PPM1H: variants seen among roughly 807,000 people sequenced by gnomAD.
The protein encoded by PPM1H is protein phosphatase, Mg2+/Mn2+ dependent 1H.
Under a neutral mutation model 54.9 loss-of-function variants are expected in PPM1H, and 27 were observed. That is an observed-to-expected ratio of 0.49 (90% confidence interval 0.36 to 0.68). PPM1H has a LOEUF of 0.68. Ranked by LOEUF, PPM1H falls within the 30% of genes least tolerant of loss-of-function variation. The pLI, the probability that PPM1H is intolerant of heterozygous loss-of-function variation, is 0.00. For synonymous variants in PPM1H, 305 were observed against 270.8 expected (o/e 1.13, Z -1.24); for missense variants, 596 against 667.8 (o/e 0.89, Z 1.19).
intron 4 of PPM1H, among the ~76,000 whole-genome samples, chr12:62,747,473 A>C (rs1172745217): frequency 6.6e-6 from 1 of 152,184 alleles, no homozygotes; most frequent in African/African-American, 2.4e-5. Flanking sequence ...ACCGGGTTTA[A>C]GTGATCCTCA....
chr12:62,724,833 A>G (rs1423091855), intron 5 of PPM1H, among the ~76,000 whole-genome samples: 1 of 152,118 alleles, frequency 6.6e-6, no homozygotes, highest in East Asian at 1.9e-4. Flanking sequence ...ATCTATCACT[A>G]TTGTATATAT....
intron 4 of PPM1H, among the ~76,000 whole-genome samples, chr12:62,770,474 C>T (rs1459760738): frequency 6.6e-6 from 1 of 152,152 alleles, no homozygotes; most frequent in Non-Finnish European, 1.5e-5. Flanking sequence ...ACAAGTGTTC[C>T]TATCTGTTTT....
In PPM1H at chr12:62,648,546, T is replaced by C; in HGVS notation, c.1488A>G (p.Ser496=). Residue 496 remains serine (S), a synonymous_variant, in exon 10 of 10, where the codon TCA becomes TCG. Coordinates refer to ENST00000228705, the MANE Select transcript of PPM1H (RefSeq NM_020700.2). ...TGACATATACAGAAATGTCGTCTCCTGAGCCCAGTCGGTCATTAGATATCC... is the reference window on the plus strand; with the variant it reads ...TGACATATACAGAAATGTCGTCTCCCGAGCCCAGTCGGTCATTAGATATCC... ...GWRISNDRLG[S]GDDISVYVIP... 6.2e-7 allele frequency: 1 copy of C among 1,614,036 alleles called. No individual in the cohort carries two copies. Among genetic ancestry groups the C allele is most frequent in the Non-Finnish European group, 8.5e-7 (1 of 1,179,892 alleles).
Position 62,863,156 on chromosome 12 carries a change from G to A in PPM1H, c.246-30877C>T, listed in dbSNP as rs538110661. On this transcript the variant is annotated intron_variant, in intron 1 of 9. Transcript: ENST00000228705. ...CCACCTCAGCCTCCAGCATAGCTGG[G>A]ACCGCAGGTGCGTGCCACTACACCT... Among the ~76,000 whole-genome samples the A allele has an allele frequency of 6.6e-5, 10 of 151,882 alleles. No homozygotes were observed. In the South Asian group the frequency reaches 2.1e-3, roughly 32 times the overall value.
intron 1 of PPM1H, among the ~76,000 whole-genome samples, chr12:62,843,091 G>A (rs943697312): frequency 2.6e-5 from 4 of 152,324 alleles, no homozygotes; most frequent in Admixed American, 6.5e-5. Flanking sequence ...TGAGGCCGGC[G>A]GATTGCTTGA....
intron 4 of PPM1H, among the ~76,000 whole-genome samples, chr12:62,767,887 C>T (rs929266658): frequency 6.6e-6 from 1 of 152,186 alleles, no homozygotes; most frequent in African/African-American, 2.4e-5. Flanking sequence ...TCCATTTCCT[C>T]CATTTTAACT....
chr12:62,726,300 T>C (rs1401698460), intron 5 of PPM1H, among the ~76,000 whole-genome samples: 2 of 152,254 alleles, frequency 1.3e-5, no homozygotes, highest in African/African-American at 4.8e-5. Flanking sequence ...GTCTATCTTT[T>C]TGTGCAATCA....
intron 1 of PPM1H, among the ~76,000 whole-genome samples, chr12:62,870,978 G>A (rs1592646229): frequency 6.6e-6 from 1 of 152,322 alleles, no homozygotes; most frequent in African/African-American, 2.4e-5. Context: ...GTAAAATGGT[G>A]CAGCCACTTT....
chr12:62,742,664 C>T (rs879296106), intron 4 of PPM1H, among the ~76,000 whole-genome samples: 1 of 152,162 alleles, frequency 6.6e-6, no homozygotes, highest in East Asian at 1.9e-4. Flanking sequence ...AAACCAAATG[C>T]CGTGGCTGCG....
chr12:62,847,727 G>A (rs1869027874), intron 1 of PPM1H, among the ~76,000 whole-genome samples: 1 of 151,836 alleles, frequency 6.6e-6, no homozygotes, highest in Non-Finnish European at 1.5e-5. Flanking sequence ...TATCAATTGA[G>A]TAAATCAAAG....
chr12:62,720,177 G>A lies in PPM1H; in HGVS notation c.1067C>T (p.Thr356Ile), dbSNP rs920126619. 2 of 1,598,524 alleles carry A rather than the reference G, an allele frequency of 1.3e-6. No homozygotes were observed. Reference protein sequence around the residue: ...KKMLYRDFNMTGWAYKTIEDE... With the variant: ...KKMLYRDFNMIGWAYKTIEDE... ...GAGGAAGGCATGTTCTTACCAGCCT[G>A]TCATATTAAAGTCCCTGTAGAGCAT... is the stretch of plus-strand genomic sequence containing the variant. The change falls in exon 6 of 10, where the codon ACA (threonine) becomes ATA (isoleucine). Residue 356 changes from threonine to isoleucine, a missense_variant. Thr to Ile is a moderately conservative substitution (Grantham distance 89, BLOSUM62 -1). Transcript: ENST00000228705.
chr12:62,694,855 C>G (rs1354491232), intron 6 of PPM1H, among the ~76,000 whole-genome samples: 6 of 152,312 alleles, frequency 3.9e-5, no homozygotes, highest in African/African-American at 1.2e-4. Context: ...CACTTAGTGG[C>G]AGTTATTACT....
intron 1 of PPM1H, among the ~76,000 whole-genome samples, chr12:62,852,338 A>G (rs2120937826): frequency 6.6e-6 from 1 of 150,634 alleles, no homozygotes; most frequent in Non-Finnish European, 1.5e-5. Context: ...AACCCCTGGG[A>G]GCTCTCTGGC....
chr12:62,771,628 T>C (rs2076580652), intron 4 of PPM1H, among the ~76,000 whole-genome samples: 1 of 152,218 alleles, frequency 6.6e-6, no homozygotes, highest in African/African-American at 2.4e-5. Flanking sequence ...TAAATATATT[T>C]ACTATCTGCA....
chr12:62,662,722 T>A (rs77038060), intron 9 of PPM1H, among the ~76,000 whole-genome samples: 3,076 of 152,268 alleles, frequency 0.02, 55 homozygotes, highest in Middle Eastern at 0.044. Context: ...CTGCCTCTCA[T>A]ATACCATTTA....
At chr12:62,659,776 A>G (rs2075872477) in intron 9 of PPM1H, among the ~76,000 whole-genome samples, 1 of 152,154 alleles carries the variant, frequency 6.6e-6, no homozygotes, top group Admixed American at 6.5e-5. Context: ...ACTCAAAGTA[A>G]AACAGGCCCA....
intron 1 of PPM1H, among the ~76,000 whole-genome samples, chr12:62,911,530 G>T (rs941176520): frequency 1.2e-4 from 18 of 152,076 alleles, no homozygotes; most frequent in Non-Finnish European, 2.6e-4. Context: ...AGTGTGTGAG[G>T]GCACCCATCC....
At chr12:62,686,289 G>A (rs1299353566) in intron 8 of PPM1H, among the ~76,000 whole-genome samples, 1 of 152,240 alleles carries the variant, frequency 6.6e-6, no homozygotes, top group Non-Finnish European at 1.5e-5. Flanking sequence ...AAGCCAAGTG[G>A]AGCTGCTGCT....
chr12:62,659,289 A>AAAAAAAAAAAAAAAAAAAAAAAAAAAAC (rs2075868103), intron 9 of PPM1H: 1 of 497,732 alleles, frequency 2.0e-6, no homozygotes, highest in African/African-American at 2.0e-5. Flanking sequence ...AAAAAAAAAA[A>AAAAAAAAAAAAAAAAAAAAAAAAAAAAC]AAGAGAAAAA....
Sources: allele counts gnomAD v4.1 joint callset (sites outside exome capture counted in the v4.1 genomes callset), GRCh38; gene constraint gnomAD v4.1.1; transcripts MANE v1.5; gene names NCBI Gene and HGNC (gene_info 2026-07-23, HGNC 2026-07-21).